The following ESR1 variants were observed in gnomAD, a reference collection of about 807,000 sequenced individuals.
The protein encoded by ESR1 is estrogen receptor 1, also known as estrogen receptor.
Under a neutral mutation model 52.7 loss-of-function variants are expected in ESR1, and 12 were observed. The ratio of observed to expected loss-of-function variants is 0.23; its 90% confidence interval spans 0.15 to 0.37. ESR1 has a LOEUF of 0.37. Among genes scored for constraint, ESR1 ranks in the 10% least tolerant of loss-of-function variants. The pLI is 1.00. For missense variants in ESR1, 584 were observed against 779.7 expected (o/e 0.75, Z 2.99); for synonymous variants, 305 against 316.8 (o/e 0.96, Z 0.39).
chr6:151,715,651 T>C (rs1780975126), intron 2 of ESR1, among the ~76,000 whole-genome samples: 1 of 152,218 alleles, frequency 6.6e-6, no homozygotes, highest in Admixed American at 6.5e-5. Flanking sequence ...GTATGCTTCA[T>C]AAAGTTCTTG....
At chr6:151,790,006 G>T (rs1243671698) in intron 2 of ESR1, among the ~76,000 whole-genome samples, 2 of 152,108 alleles carry the variant, frequency 1.3e-5, no homozygotes, top group East Asian at 1.9e-4. Flanking sequence ...CTCACTCAGG[G>T]CCTCATTTAT....
At chr6:152,028,911 C>T (rs1472563928) in intron 5 of ESR1, among the ~76,000 whole-genome samples, 2 of 152,190 alleles carry the variant, frequency 1.3e-5, no homozygotes, top group Non-Finnish European at 2.9e-5. Flanking sequence ...AGACTGACAC[C>T]TCACATGGCC....
At chr6:152,015,246 A>AAGCATG (rs2043081033) in intron 5 of ESR1, among the ~76,000 whole-genome samples, 1 of 152,140 alleles carries the variant, frequency 6.6e-6, no homozygotes, top group South Asian at 2.1e-4. Flanking sequence ...TGCTTCTGAG[A>AAGCATG]GACCCTCCAC....
At chr6:151,720,061 T>C (rs1395682953) in intron 2 of ESR1, among the ~76,000 whole-genome samples, 1 of 152,222 alleles carries the variant, frequency 6.6e-6, no homozygotes, top group Non-Finnish European at 1.5e-5. Flanking sequence ...GGCAGAGTGT[T>C]ATGAAATGTT....
At position 151,944,190 on chromosome 6, in the gene ESR1, A is replaced by G. The variant is rs748753580; in HGVS notation, c.778A>G (p.Arg260Gly). 1 of 1,613,992 alleles carries G rather than the reference A, an allele frequency of 6.2e-7. No individual in the cohort carries two copies. Among genetic ancestry groups the G allele is most frequent in the Non-Finnish European group, 8.5e-7 (1 of 1,179,984 alleles). ...MMKGGIRKDRRGGRMLKHKRQ... is the reference protein window; with the variant it reads ...MMKGGIRKDRGGGRMLKHKRQ... Reference sequence around the variant, plus strand: ...GTTTTCAGGGATACGAAAAGACCGAAGAGGAGGGAGAATGTTGAAACACAA... The same window carrying G: ...GTTTTCAGGGATACGAAAAGACCGAGGAGGAGGGAGAATGTTGAAACACAA... The change falls in exon 4 of 8, where the codon AGA becomes GGA. Residue 260 changes from arginine (R) to glycine (G), a missense_variant. Around this residue, in one of 6 missense-constraint regions of ESR1, gnomAD observed 88 missense variants for 88.3 expected, o/e 1.00. Coordinates refer to ENST00000206249, the MANE Select transcript of ESR1 (RefSeq NM_000125.4).
intron 5 of ESR1, among the ~76,000 whole-genome samples, chr6:152,047,956 ATTTTTTT>A (rs71017517): frequency 1.3e-4 from 9 of 67,776 alleles, no homozygotes; most frequent in South Asian, 5.6e-4. Context: ...CTCCTCAAGC[ATTTTTTT>A]TTTTTTTTTT....
rs1777607068 is a variant in ESR1 at position 151,660,656 on chromosome 6, C to T, written n.73+3893C>T. ...TCTAGCTCTTTGGCTGAGTGGACAA[C>T]ATTTTGGTGTTCTTTTTCTTATTGT... On this transcript the variant is annotated intron_variant and non_coding_transcript_variant, in intron 1 of 2. Coordinates refer to the ESR1 transcript ENST00000473497. Among the ~76,000 whole-genome samples the T allele has an allele frequency of 2.0e-5, 3 of 152,108 alleles. No homozygotes were observed. The South Asian group carries it at 6.2e-4, about 31-fold the overall frequency.
intron 1 of ESR1, among the ~76,000 whole-genome samples, chr6:151,674,435 TG>T (rs1162086481): frequency 6.6e-6 from 1 of 152,242 alleles, no homozygotes; most frequent in Non-Finnish European, 1.5e-5. Context: ...CTATCATTGA[TG>T]GGCATTTGGG....
At chr6:151,831,424 G>A (rs1165172564) in intron 1 of ESR1, among the ~76,000 whole-genome samples, 1 of 152,162 alleles carries the variant, frequency 6.6e-6, no homozygotes, top group Admixed American at 6.5e-5. Flanking sequence ...ACAGGTGTGA[G>A]CTACCATGCC....
chr6:151,843,321 T>TTCA (rs1365145015), intron 2 of ESR1, among the ~76,000 whole-genome samples: 1 of 152,222 alleles, frequency 6.6e-6, no homozygotes, highest in Non-Finnish European at 1.5e-5. Context: ...GCTGACTCAG[T>TTCA]GGTTGGTGTC....
intron 4 of ESR1, among the ~76,000 whole-genome samples, chr6:151,979,251 G>A (rs1024117271): frequency 3.9e-5 from 6 of 152,024 alleles, no homozygotes; most frequent in Admixed American, 3.9e-4. Flanking sequence ...ATAAATTTTG[G>A]GGGGACACAT....
At chr6:151,846,247 A>G (rs1468913076) in intron 2 of ESR1, among the ~76,000 whole-genome samples, 1 of 152,216 alleles carries the variant, frequency 6.6e-6, no homozygotes, top group Non-Finnish European at 1.5e-5. Context: ...AAACAAAGAC[A>G]TTTCTGGGCC....
chr6:151,988,916 G>A (rs1300474464), intron 4 of ESR1, among the ~76,000 whole-genome samples: 1 of 152,024 alleles, frequency 6.6e-6, no homozygotes, highest in Non-Finnish European at 1.5e-5. Context: ...TTACAAAACT[G>A]AGGACTTGGA....
intron 2 of ESR1, among the ~76,000 whole-genome samples, chr6:151,783,270 C>T (rs1015214373): frequency 1.6e-4 from 24 of 152,218 alleles, no homozygotes; most frequent in African/African-American, 5.3e-4. Flanking sequence ...AAGGGATCAG[C>T]ACCAGCCCTG....
intron 1 of ESR1, among the ~76,000 whole-genome samples, chr6:151,699,993 G>A (rs1779646199): frequency 6.6e-6 from 1 of 151,812 alleles, no homozygotes; most frequent in Admixed American, 6.6e-5. Context: ...AAGCCATTTG[G>A]TCAGTGTCCA....
At chr6:151,926,291 A>G (rs2032725622) in intron 3 of ESR1, among the ~76,000 whole-genome samples, 1 of 152,108 alleles carries the variant, frequency 6.6e-6, no homozygotes. Flanking sequence ...CTTCTTCAGA[A>G]TTTTGTTCTT....
rs1481461434 is a variant in ESR1 at position 151,758,598 on chromosome 6, T to C, written c.-70-49245T>C. On this transcript the variant is annotated intron_variant, in intron 2 of 2. Transcript: ENST00000404742. ...CAACATGGTGAAACCGCATCTCTAC[T>C]AAAACTACAAAAATTAGGCAGGCCT... 2.6e-5 allele frequency among the ~76,000 whole-genome samples: 4 copies of C among 151,782 alleles called. No homozygotes were observed. The East Asian group carries it at 7.8e-4, about 30-fold the overall frequency.
At chr6:151,709,305 C>T (rs1780409159) in intron 2 of ESR1, among the ~76,000 whole-genome samples, 1 of 152,106 alleles carries the variant, frequency 6.6e-6, no homozygotes, top group South Asian at 2.1e-4. Flanking sequence ...TTGCAAATGA[C>T]AATATTTTTC....
intron 2 of ESR1, among the ~76,000 whole-genome samples, chr6:151,861,108 TTTAAA>T (rs1788805195): frequency 6.6e-6 from 1 of 152,144 alleles, no homozygotes; most frequent in Non-Finnish European, 1.5e-5. Flanking sequence ...GGTAAACAAC[TTTAAA>T]TTAAATTTGG....
Sources: allele counts gnomAD v4.1 joint callset (sites outside exome capture counted in the v4.1 genomes callset), GRCh38; gene constraint gnomAD v4.1.1; regional missense constraint gnomAD v4.1.1; transcripts MANE v1.5; gene names NCBI Gene and HGNC (gene_info 2026-07-23, HGNC 2026-07-21).